The following KDM5A variants were observed in gnomAD, a reference collection of about 807,000 sequenced individuals.
KDM5A encodes the protein lysine demethylase 5A, also known as lysine-specific demethylase 5A.
KDM5A carries 42 observed loss-of-function variants against 193.5 expected under a neutral mutation model. The ratio of observed to expected loss-of-function variants is 0.22; its 90% CI spans 0.17 to 0.28. The LOEUF (loss-of-function observed/expected upper bound fraction) is 0.28. Among genes scored for constraint, KDM5A ranks in the 10% least tolerant of loss-of-function variants. KDM5A has a pLI of 1.00. For synonymous variants in KDM5A, 796 were observed against 718.1 expected, an observed-to-expected ratio of 1.11 and a Z score of -1.73; for missense variants, 1,692 against 2,055.1, an observed-to-expected ratio of 0.82 and a Z score of 3.42.
chr12:358,103 C>T (rs1204005824), intron 5 of KDM5A, among the ~76,000 whole-genome samples: 4 of 152,114 alleles, frequency 2.6e-5, no homozygotes, highest in African/African-American at 9.7e-5. Context: ...GCTACTAATA[C>T]TTGTTTAATG....
chr12:385,384 T>C (rs1021019134), intron 2 of KDM5A, among the ~76,000 whole-genome samples: 22 of 151,808 alleles, frequency 1.4e-4, no homozygotes, highest in Middle Eastern at 3.4e-3. Flanking sequence ...ATTTAGAAAA[T>C]TTAAGATAAA....
At chr12:311,139 C>A (rs1943580709) in intron 20 of KDM5A, 75 bp from the exon 21 acceptor site, 1 of 1,327,578 alleles carries the variant, frequency 7.5e-7, no homozygotes, top group African/African-American at 1.4e-5. Context: ...AAAGACCTTA[C>A]AAAGTTTAGT....
chr12:345,405 G>A (rs947391085), intron 10 of KDM5A, among the ~76,000 whole-genome samples: 17 of 152,094 alleles, frequency 1.1e-4, no homozygotes, highest in African/African-American at 4.1e-4. Flanking sequence ...ATTCAGCTCT[G>A]CAAAAAGCAG....
At chr12:377,489 G>GA (rs201102773) in intron 3 of KDM5A, among the ~76,000 whole-genome samples, 7 of 150,404 alleles carry the variant, frequency 4.7e-5, no homozygotes, top group Middle Eastern at 3.4e-3. Context: ...AAATCTTCAA[G>GA]AAAAAAAAAG....
At position 311,008 on chromosome 12, in the gene KDM5A, G is replaced by A. The variant is rs2137394301; in HGVS notation, c.3093C>T (p.Arg1031=). The change falls in exon 21 of 28, where the codon CGC becomes CGT. Residue 1031 remains arginine, a synonymous_variant. Transcript: ENST00000399788. The part of the protein sequence containing the change: ...EQLESLSAKG[R]PIPVRLEALP... ...GTGCTTCAAGACGCACAGGAATAGG[G>A]CGTCCTTTCGCAGACAAGCTCTCAA... The A allele has an allele frequency of 1.2e-6, 2 of 1,614,202 alleles. No homozygotes were observed. Among genetic ancestry groups the A allele is most frequent in the South Asian group, 1.1e-5 (1 of 91,076 alleles).
rs748124309 is a variant in KDM5A, at chr12:311,163, T to C, written c.3037-99A>G. 5.1e-6 allele frequency: 5 copies of C among 983,254 alleles called. No individual in the cohort carries two copies. In the South Asian group the frequency reaches 5.5e-5, roughly 11 times the overall value. The allele number at this position is 983,254 out of a possible 1,614,324, so 60.9% of individuals were successfully genotyped here. The stretch of plus-strand genomic sequence containing the variant: ...ACAAAGTTTAGTGTTAGTTCTTTTA[T>C]TAAATATTATTCTTTGAATGTAATT... On this transcript the variant is annotated intron_variant, in intron 20 of 27. Transcript: ENST00000399788.
rs1327728466 is a variant in KDM5A at position 307,932 on chromosome 12, T to C, written c.3452A>G (p.Lys1151Arg). ...TTCTATGCGGTCCACCATTGTCATC[T>C]TGGCTAGGTTGGCTGCTCTGAGAGA... Reference protein sequence around the residue: ...MHSLRAANLAKMTMVDRIEEV... With the variant: ...MHSLRAANLARMTMVDRIEEV... The change falls in exon 23 of 28, where the codon AAG becomes AGG. Residue 1151 changes from lysine (K) to arginine (R), a missense_variant. This residue lies in a region of KDM5A where 965 missense variants were observed against 1,061.0 expected (regional missense o/e 0.91). Coordinates refer to ENST00000399788, the MANE Select transcript of KDM5A (RefSeq NM_001042603.3). The surrounding 1 kb of genome is among the most constrained non-coding windows in gnomAD (Gnocchi z 4.3). The C allele has an allele frequency of 6.2e-7, 1 of 1,614,228 alleles. No homozygotes were observed. Among genetic ancestry groups the C allele is most frequent in the Admixed American group, 1.7e-5 (1 of 60,020 alleles).
chr12:364,380 G>A (rs1944326407), intron 4 of KDM5A, among the ~76,000 whole-genome samples: 1 of 152,068 alleles, frequency 6.6e-6, no homozygotes, highest in African/African-American at 2.4e-5. Flanking sequence ...AGGAGGCTGA[G>A]GTAGGAGAAT....
chr12:341,197 A>C (rs1944000308), intron 10 of KDM5A, among the ~76,000 whole-genome samples: 1 of 152,312 alleles, frequency 6.6e-6, no homozygotes, highest in African/African-American at 2.4e-5. Flanking sequence ...CTCTCTAATA[A>C]TGAGATCACT....
intron 5 of KDM5A, 22 bp from the exon 6 acceptor site, chr12:356,559 C>T (rs199748892): frequency 1.4e-6 from 2 of 1,456,824 alleles, no homozygotes; most frequent in Non-Finnish European, 1.9e-6. Context: ...GCAAAATTCA[C>T]ATTAGCATAA....
intron 24 of KDM5A, among the ~76,000 whole-genome samples, chr12:297,543 C>T (rs929531301): frequency 6.6e-6 from 1 of 152,196 alleles, no homozygotes; most frequent in Non-Finnish European, 1.5e-5. Flanking sequence ...CCCGGGTTTT[C>T]TAAGACCCTA....
chr12:290,865 T>A (rs570380816), intron 27 of KDM5A, among the ~76,000 whole-genome samples: 33 of 152,286 alleles, frequency 2.2e-4, no homozygotes, highest in African/African-American at 7.5e-4. Flanking sequence ...GAAAGGCTCA[T>A]GATAGATGTA....
At position 385,988 on chromosome 12, in the gene KDM5A, T is replaced by A. The variant is rs766417577; in HGVS notation, c.166-14A>T. 1.9e-6 allele frequency: 3 copies of A among 1,606,322 alleles called. No homozygotes were observed. Among genetic ancestry groups the A allele is most frequent in the Non-Finnish European group, 2.6e-6 (3 of 1,173,280 alleles). On this transcript the variant is annotated splice_polypyrimidine_tract_variant and intron_variant, in intron 1 of 27. Coordinates refer to ENST00000399788, the MANE Select transcript of KDM5A (RefSeq NM_001042603.3). ...AGGCTGCCAGTCCTAAATAGAAAGA[T>A]TTTTTTAAAAAAACACAGTGGTATG...
At chr12:380,697 T>A (rs1944562459) in intron 3 of KDM5A, among the ~76,000 whole-genome samples, 1 of 152,034 alleles carries the variant, frequency 6.6e-6, no homozygotes, top group South Asian at 2.1e-4. Flanking sequence ...CACTCCAGTC[T>A]GGGCAAAAGA....
At chr12:347,699 T>C (rs1944096429) in intron 10 of KDM5A, among the ~76,000 whole-genome samples, 1 of 152,186 alleles carries the variant, frequency 6.6e-6, no homozygotes, top group South Asian at 2.1e-4. Context: ...CTGGGAAAAC[T>C]GGCTAGCCAC....
rs2137388930 is a variant in KDM5A, at chr12:307,729, G to C, written c.3655C>G (p.Arg1219Gly). Reference sequence around the variant, plus strand: ...AGAATAGTCTCTAGCCTGGGCCTTCGAGACCGCATACAAAGAGGGCAAAGG... The same window carrying C: ...AGAATAGTCTCTAGCCTGGGCCTTCCAGACCGCATACAAAGAGGGCAAAGG... Reference protein sequence around the residue: ...KFLCPLCMRSRRPRLETILSL... With the variant: ...KFLCPLCMRSGRPRLETILSL... The change falls in exon 23 of 28, where the codon CGA (arginine) becomes GGA (glycine). Residue 1219 changes from arginine to glycine, a missense_variant. Arg to Gly is a moderately radical substitution (Grantham distance 125, BLOSUM62 -2). Coordinates refer to ENST00000399788, the MANE Select transcript of KDM5A (RefSeq NM_001042603.3). The surrounding 1 kb of genome is among the most constrained non-coding windows in gnomAD (Gnocchi z 4.3). 1.2e-6 allele frequency: 2 copies of C among 1,614,116 alleles called. No individual in the cohort carries two copies. Among genetic ancestry groups the C allele is most frequent in the Non-Finnish European group, 1.7e-6 (2 of 1,180,012 alleles).
intron 10 of KDM5A, among the ~76,000 whole-genome samples, chr12:338,097 A>T (rs1036255053): frequency 2.0e-5 from 3 of 152,210 alleles, no homozygotes; most frequent in African/African-American, 4.8e-5. Flanking sequence ...CAAAGGAGTT[A>T]AACACAGCAG....
At chr12:376,053 C>T (rs935010143) in intron 3 of KDM5A, among the ~76,000 whole-genome samples, 3 of 152,202 alleles carry the variant, frequency 2.0e-5, no homozygotes, top group Non-Finnish European at 4.4e-5. Flanking sequence ...AGGCAGTCTG[C>T]CCGTTCTCAG....
intron 12 of KDM5A, 90 bp downstream of exon 12, chr12:333,397 C>CAACA (rs1943887076): frequency 1.4e-6 from 2 of 1,415,674 alleles, no homozygotes; most frequent in African/African-American, 2.8e-5. Context: ...CCAGCCTGGG[C>CAACA]AACAGAGCAA....
Sources: allele counts gnomAD v4.1 joint callset (sites outside exome capture counted in the v4.1 genomes callset), GRCh38; gene constraint gnomAD v4.1.1; regional missense constraint gnomAD v4.1.1; non-coding constraint Gnocchi (gnomAD v3.1); transcripts MANE v1.5; gene names NCBI Gene and HGNC (gene_info 2026-07-23, HGNC 2026-07-21).